The following RBFOX3 variants were observed in gnomAD, a reference collection of about 807,000 sequenced individuals.
RBFOX3 encodes the protein RNA binding fox-1 homolog 3.
Under a neutral mutation model 48.7 loss-of-function variants are expected in RBFOX3, and 17 were observed. The observed-to-expected ratio is 0.35, with a 90% CI of 0.24 to 0.52. RBFOX3 has a LOEUF of 0.52. Ranked by LOEUF, RBFOX3 falls within the 20% of genes least tolerant of loss-of-function variation. The probability of loss-of-function intolerance (pLI) is 0.94; values close to 1 mark genes in which losing one functional copy is unlikely to be tolerated. For synonymous variants in RBFOX3, 212 were observed against 209.5 expected, an observed-to-expected ratio of 1.01 and a Z score of -0.10; for missense variants, 382 against 497.5, an observed-to-expected ratio of 0.77 and a Z score of 2.21.
chr17:79,248,439 G>T (rs1321810641), intron 3 of RBFOX3, among the ~76,000 whole-genome samples: 1 of 152,160 alleles, frequency 6.6e-6, no homozygotes, highest in Admixed American at 6.5e-5. Context: ...CTGGAAGGGT[G>T]GGGGGTCTTA....
intron 3 of RBFOX3, among the ~76,000 whole-genome samples, chr17:79,241,944 A>G (rs977944996): frequency 6.6e-6 from 1 of 152,170 alleles, no homozygotes; most frequent in African/African-American, 2.4e-5. Flanking sequence ...TCCAGATATC[A>G]TCCCTTAGGG....
rs537764926 is a variant in RBFOX3 at position 79,422,141 on chromosome 17, G to C, written c.-175+60313C>G. Among the ~76,000 whole-genome samples, 7 of 152,226 alleles carry C rather than the reference G, an allele frequency of 4.6e-5. No homozygotes were observed. The South Asian group carries it at 1.2e-3, about 27-fold the overall frequency. On this transcript the variant is annotated intron_variant, in intron 2 of 14. Coordinates refer to ENST00000693108, the MANE Select transcript of RBFOX3 (RefSeq NM_001350451.2). ...GGCCGGGGAGGAGAGGAGAGGTCCT[G>C]AGAAGGCCCTCTGATGATAGCTGCT...
At chr17:79,093,717 G>A (rs2074482142) in intron 14 of RBFOX3, among the ~76,000 whole-genome samples, 2 of 151,544 alleles carry the variant, frequency 1.3e-5, no homozygotes, top group Admixed American at 1.3e-4. Context: ...GGGGCCAGTG[G>A]GTACAGGAGG....
chr17:79,567,933 C>G (rs1348132114), intron 1 of RBFOX3, among the ~76,000 whole-genome samples: 1 of 152,218 alleles, frequency 6.6e-6, no homozygotes, highest in Admixed American at 6.5e-5. Flanking sequence ...ACCTTTACCT[C>G]TGCACTGTCT....
intron 8 of RBFOX3, among the ~76,000 whole-genome samples, 166 bp downstream of exon 8, chr17:79,102,996 C>T (rs957865551): frequency 1.1e-4 from 17 of 151,630 alleles, no homozygotes; most frequent in South Asian, 4.2e-4. Flanking sequence ...AGGGCTCAGC[C>T]GGCAGCTGAG....
At chr17:79,238,729 G>T (rs564324706) in intron 3 of RBFOX3, among the ~76,000 whole-genome samples, 1 of 152,102 alleles carries the variant, frequency 6.6e-6, no homozygotes, top group African/African-American at 2.4e-5. Flanking sequence ...TGTCACACAC[G>T]TACGAGTGTC....
At chr17:79,183,652 C>CA (rs2052710359) in intron 4 of RBFOX3, among the ~76,000 whole-genome samples, 1 of 152,148 alleles carries the variant, frequency 6.6e-6, no homozygotes, top group South Asian at 2.1e-4. Context: ...GAGCAGGAGT[C>CA]AGTCACTTTG....
chr17:79,586,394 A>T (rs1486252714), intron 1 of RBFOX3, among the ~76,000 whole-genome samples: 1 of 152,190 alleles, frequency 6.6e-6, no homozygotes, highest in Non-Finnish European at 1.5e-5. Context: ...CCCAGCTGGG[A>T]CCAGCCAAGC....
At chr17:79,563,020 T>C (rs1270187091) in intron 1 of RBFOX3, among the ~76,000 whole-genome samples, 1 of 152,146 alleles carries the variant, frequency 6.6e-6, no homozygotes, top group African/African-American at 2.4e-5. Flanking sequence ...CAGCCAGCAC[T>C]CGCCCACTGC....
chr17:79,257,712 C>T (rs2065110036), intron 3 of RBFOX3, among the ~76,000 whole-genome samples: 1 of 152,118 alleles, frequency 6.6e-6, no homozygotes, highest in Admixed American at 6.5e-5. Flanking sequence ...TCCCGAGTAG[C>T]TGGGACTACA....
intron 4 of RBFOX3, among the ~76,000 whole-genome samples, chr17:79,179,240 A>G (rs1228510288): frequency 1.3e-5 from 2 of 152,258 alleles, no homozygotes; most frequent in Non-Finnish European, 2.9e-5. Flanking sequence ...ATCTCAGAAC[A>G]GACCCTAGAA....
chr17:79,552,748 T>A (rs1464545432), intron 1 of RBFOX3, among the ~76,000 whole-genome samples: 2 of 152,258 alleles, frequency 1.3e-5, no homozygotes, highest in Admixed American at 1.3e-4. Context: ...ATTTTGCACA[T>A]TTCTTGTTAA....
intron 4 of RBFOX3, among the ~76,000 whole-genome samples, chr17:79,157,718 C>T (rs1041405853): frequency 2.0e-5 from 3 of 152,178 alleles, no homozygotes; most frequent in Admixed American, 2.0e-4. Flanking sequence ...CCACGCTGTC[C>T]CCACCACCAC....
intron 4 of RBFOX3, among the ~76,000 whole-genome samples, chr17:79,218,420 G>A (rs749629667): frequency 2.0e-5 from 3 of 152,112 alleles, no homozygotes; most frequent in South Asian, 2.1e-4. Context: ...GAGGCTCCCC[G>A]ATCAGGTTCC....
At chr17:79,571,079 C>G (rs2092661956) in intron 1 of RBFOX3, among the ~76,000 whole-genome samples, 1 of 152,178 alleles carries the variant, frequency 6.6e-6, no homozygotes, top group Non-Finnish European at 1.5e-5. Context: ...AGTTCCACGT[C>G]CCCGGCCCTG....
chr17:79,370,507 C>T (rs1035547683), intron 2 of RBFOX3, among the ~76,000 whole-genome samples: 6 of 151,816 alleles, frequency 4.0e-5, no homozygotes, highest in Admixed American at 1.3e-4. Flanking sequence ...GGCACACACA[C>T]GTACACGTCT....
At chr17:79,461,870 C>T (rs548084066) in intron 2 of RBFOX3, among the ~76,000 whole-genome samples, 4 of 152,172 alleles carry the variant, frequency 2.6e-5, no homozygotes, top group Non-Finnish European at 4.4e-5. Flanking sequence ...GGCTGAGGAA[C>T]GCCATGGGTG....
At chr17:79,095,076 G>A (rs368851529) in intron 13 of RBFOX3, among the ~76,000 whole-genome samples, 1 of 152,210 alleles carries the variant, frequency 6.6e-6, no homozygotes, top group African/African-American at 2.4e-5. Flanking sequence ...AGATGGAGCC[G>A]GGGCTGCCAG....
chr17:79,110,588 A>G (rs565330701), intron 5 of RBFOX3, among the ~76,000 whole-genome samples: 251 of 152,192 alleles, frequency 1.6e-3, no homozygotes, highest in Non-Finnish European at 3.0e-3. Flanking sequence ...CCTCCTAGGC[A>G]CTCAGGCAAG....
Sources: gnomAD v4.1 joint callset for allele counts (sites outside exome capture counted in the v4.1 genomes callset) on GRCh38, gnomAD v4.1.1 for gene constraint, MANE v1.5 for transcripts, NCBI Gene and HGNC (gene_info 2026-07-23, HGNC 2026-07-21) for gene names.